RBM47: variants seen among roughly 807,000 people sequenced by gnomAD.
RBM47 encodes the protein RNA binding motif protein 47, also known as RNA-binding protein 47.
RBM47 carries 21 observed loss-of-function variants against 47.1 expected under a neutral mutation model. The observed-to-expected ratio is 0.45, with a 90% confidence interval of 0.32 to 0.64. The LOEUF is 0.64. Among genes scored for constraint, RBM47 ranks in the 30% least tolerant of loss-of-function variants. RBM47 has a pLI of 0.05. For missense variants in RBM47, 708 were observed against 870.9 expected, an observed-to-expected ratio of 0.81 and a Z score of 2.35; for synonymous variants, 375 against 361.7, an observed-to-expected ratio of 1.04 and a Z score of -0.42.
At chr4:40,513,701 C>T (rs1369064294) in intron 2 of RBM47, among the ~76,000 whole-genome samples, 1 of 151,560 alleles carries the variant, frequency 6.6e-6, no homozygotes, top group African/African-American at 2.4e-5. Context: ...GATAAGAGGC[C>T]GTTTTAAACT....
intron 1 of RBM47, among the ~76,000 whole-genome samples, chr4:40,619,332 G>A (rs1737044325): frequency 6.6e-6 from 1 of 152,164 alleles, no homozygotes; most frequent in Admixed American, 6.6e-5. Flanking sequence ...GGAGGCTGAG[G>A]CAGGAGGATC....
chr4:40,449,651 CA>C (rs567138051), intron 3 of RBM47, among the ~76,000 whole-genome samples: 32 of 152,256 alleles, frequency 2.1e-4, no homozygotes, highest in African/African-American at 7.2e-4. Flanking sequence ...TTTGGCAGCA[CA>C]CAAATACCAG....
At chr4:40,464,172 C>T (rs56738895) in intron 3 of RBM47, among the ~76,000 whole-genome samples, 62,352 of 152,028 alleles carry the variant, frequency 0.41, 13,281 homozygotes, top group African/African-American at 0.52. Context: ...GTCAATAAAT[C>T]GTGGCATAGC....
At chr4:40,618,006 T>C (rs910030943) in intron 1 of RBM47, among the ~76,000 whole-genome samples, 17 of 152,134 alleles carry the variant, frequency 1.1e-4, no homozygotes, top group African/African-American at 4.1e-4. Context: ...TTTGGGAGGC[T>C]GAGGCAAGCT....
At position 40,628,108 on chromosome 4, in the gene RBM47, G is replaced by C. The variant is rs1247645326; in HGVS notation, c.-240+1288C>G. Among the ~76,000 whole-genome samples the C allele has an allele frequency of 6.6e-6, 1 of 152,156 alleles. No homozygotes were observed. Among genetic ancestry groups the C allele is most frequent in the Non-Finnish European group, 1.5e-5 (1 of 68,048 alleles). On this transcript the variant is annotated intron_variant, in intron 1 of 6. Transcript: ENST00000295971. This position sits in a 1 kb window ranked among gnomAD's most constrained non-coding sequence, Gnocchi z 4.0. ...ATACTGAAAGTTAATAATGAAGCTAGGTGCTTGGGAAATTTCTGAGACCCC... is the reference window on the plus strand; with the variant it reads ...ATACTGAAAGTTAATAATGAAGCTACGTGCTTGGGAAATTTCTGAGACCCC...
intron 2 of RBM47, among the ~76,000 whole-genome samples, chr4:40,486,350 A>T (rs1462491368): frequency 1.3e-5 from 2 of 152,228 alleles, no homozygotes; most frequent in African/African-American, 4.8e-5. Context: ...AATACAACAC[A>T]ATACATACGA....
intron 1 of RBM47, among the ~76,000 whole-genome samples, chr4:40,586,784 G>A (rs1481342853): frequency 6.6e-6 from 1 of 151,826 alleles, no homozygotes; most frequent in Non-Finnish European, 1.5e-5. Context: ...GAACTTTCAT[G>A]ACGGGTGTCT....
intron 1 of RBM47, among the ~76,000 whole-genome samples, chr4:40,560,692 C>T (rs760665970): frequency 2.0e-5 from 3 of 152,120 alleles, no homozygotes; most frequent in Admixed American, 1.3e-4. Flanking sequence ...CTAGGCTGGG[C>T]GTGGTGGCTC....
At chr4:40,451,129 T>C (rs1241823074) in intron 3 of RBM47, among the ~76,000 whole-genome samples, 4 of 135,442 alleles carry the variant, frequency 3.0e-5, no homozygotes, top group African/African-American at 1.1e-4. Flanking sequence ...GGAGGATCGC[T>C]GGAGCCCAGG....
chr4:40,500,599 A>AATATAT (rs60894213), intron 2 of RBM47, among the ~76,000 whole-genome samples: 2 of 150,938 alleles, frequency 1.3e-5, no homozygotes, highest in Non-Finnish European at 3.0e-5. Context: ...CCTATCTCCA[A>AATATAT]ATATATATAT....
chr4:40,493,960 T>C (rs1191289217), intron 2 of RBM47, among the ~76,000 whole-genome samples: 2 of 152,102 alleles, frequency 1.3e-5, no homozygotes, highest in Non-Finnish European at 2.9e-5. Context: ...ATATTAATTA[T>C]AATAAATTTA....
chr4:40,561,835 C>T (rs1210976367), intron 1 of RBM47, among the ~76,000 whole-genome samples: 1 of 152,106 alleles, frequency 6.6e-6, no homozygotes, highest in Admixed American at 6.6e-5. Context: ...CAGGTGTGAG[C>T]CACCTCGCCT....
chr4:40,451,430 G>A (rs765309667), intron 3 of RBM47, among the ~76,000 whole-genome samples: 59 of 152,234 alleles, frequency 3.9e-4, no homozygotes, highest in Non-Finnish European at 5.7e-4. Context: ...CATCACTGCC[G>A]AAATCAGTCT....
intron 1 of RBM47, among the ~76,000 whole-genome samples, chr4:40,545,234 G>T (rs1222533458): frequency 1.3e-5 from 2 of 150,892 alleles, no homozygotes; most frequent in Non-Finnish European, 3.0e-5. Context: ...TGTATTTTTA[G>T]TAGAGACGGG....
At chr4:40,485,199 T>C (rs1051093424) in intron 2 of RBM47, among the ~76,000 whole-genome samples, 2 of 152,210 alleles carry the variant, frequency 1.3e-5, no homozygotes, top group African/African-American at 4.8e-5. Context: ...ATAATTGTTA[T>C]TGACAAGAAT....
intron 1 of RBM47, among the ~76,000 whole-genome samples, chr4:40,608,332 C>T (rs915176601): frequency 1.3e-5 from 2 of 152,126 alleles, no homozygotes; most frequent in Non-Finnish European, 2.9e-5. Flanking sequence ...TCCTGTTCAC[C>T]TACAACTCCC....
At chr4:40,501,002 G>A (rs1723282109) in intron 2 of RBM47, among the ~76,000 whole-genome samples, 1 of 151,762 alleles carries the variant, frequency 6.6e-6, no homozygotes, top group South Asian at 2.1e-4. Context: ...ATTTAAACTG[G>A]CCACTGGCAA....
At chr4:40,596,836 C>T (rs899588581) in intron 1 of RBM47, among the ~76,000 whole-genome samples, 10 of 151,994 alleles carry the variant, frequency 6.6e-5, no homozygotes, top group African/African-American at 1.9e-4. Flanking sequence ...TTGAGGGGCA[C>T]GAGGGGCTTC....
intron 1 of RBM47, among the ~76,000 whole-genome samples, chr4:40,593,498 G>C (rs1734453215): frequency 6.6e-6 from 1 of 152,100 alleles, no homozygotes; most frequent in African/African-American, 2.4e-5. Context: ...TTTCTCGGGA[G>C]GCCGAGGCAG....
Sources: allele counts gnomAD v4.1 joint callset (sites outside exome capture counted in the v4.1 genomes callset), GRCh38; gene constraint gnomAD v4.1.1; non-coding constraint Gnocchi (gnomAD v3.1); transcripts MANE v1.5; gene names NCBI Gene and HGNC (gene_info 2026-07-23, HGNC 2026-07-21).